KCTD16: variants seen among roughly 807,000 people sequenced by gnomAD.
The protein encoded by KCTD16 is BTB/POZ domain-containing protein KCTD16.
Under a neutral mutation model 33.2 loss-of-function variants are expected in KCTD16, and 13 were observed. The observed-to-expected ratio is 0.39, with a 90% CI of 0.25 to 0.62. The LOEUF (loss-of-function observed/expected upper bound fraction) is 0.62. Among genes scored for constraint, KCTD16 ranks in the 20% least tolerant of loss-of-function variants. KCTD16 has a pLI of 0.50. For missense variants in KCTD16, 441 were observed against 525.1 expected (o/e 0.84, Z 1.57); for synonymous variants, 197 against 195.3 (o/e 1.01, Z -0.07).
intron 3 of KCTD16, among the ~76,000 whole-genome samples, chr5:144,267,858 G>T (rs2126844200): frequency 6.6e-6 from 1 of 152,218 alleles, no homozygotes; most frequent in East Asian, 1.9e-4. Context: ...AAACTCATCT[G>T]AAGGCTTCCA....
chr5:144,198,952 G>A (rs1752990350), intron 2 of KCTD16, among the ~76,000 whole-genome samples: 1 of 152,122 alleles, frequency 6.6e-6, no homozygotes, highest in African/African-American at 2.4e-5. Flanking sequence ...TGTTCTGCCT[G>A]ATTCTAAAAC....
At position 144,275,690 on chromosome 5, in the gene KCTD16, G is replaced by T. The variant is rs899619238; in HGVS notation, c.832+68144G>T. Among the ~76,000 whole-genome samples, 9 of 152,264 alleles carry T rather than the reference G, an allele frequency of 5.9e-5. No homozygotes were observed. The East Asian group carries it at 1.7e-3, about 29-fold the overall frequency. On this transcript the variant is annotated intron_variant, in intron 3 of 3. Coordinates refer to ENST00000512467, the MANE Select transcript of KCTD16 (RefSeq NM_020768.4). The stretch of plus-strand genomic sequence containing the variant: ...TTAAAAATAAATACGTGCCATTCTG[G>T]TTTGGGAACACTGAACGGCGAGGGA...
At chr5:144,334,858 C>T (rs1221495095) in intron 3 of KCTD16, among the ~76,000 whole-genome samples, 1 of 152,046 alleles carries the variant, frequency 6.6e-6, no homozygotes, top group African/African-American at 2.4e-5. Flanking sequence ...CTCACTGCAC[C>T]TTCAAACTCA....
chr5:144,291,661 G>A (rs1755898698), intron 3 of KCTD16, among the ~76,000 whole-genome samples: 1 of 152,150 alleles, frequency 6.6e-6, no homozygotes, highest in African/African-American at 2.4e-5. Context: ...CTACTTGAAT[G>A]GCTTCCAATG....
intron 3 of KCTD16, among the ~76,000 whole-genome samples, chr5:144,356,941 C>T (rs1370539752): frequency 6.6e-6 from 1 of 152,006 alleles, no homozygotes; most frequent in Non-Finnish European, 1.5e-5. Flanking sequence ...TTAAATAACT[C>T]AGATCAAAGA....
At chr5:144,278,517 G>T (rs1755503851) in intron 3 of KCTD16, among the ~76,000 whole-genome samples, 1 of 133,440 alleles carries the variant, frequency 7.5e-6, no homozygotes, top group Non-Finnish European at 1.6e-5. Context: ...TTGAGACGGA[G>T]TCTCGCTCTG....
chr5:144,386,987 T>G lies in KCTD16; in HGVS notation c.833-86673T>G, dbSNP rs565698466. On this transcript the variant is annotated intron_variant, in intron 3 of 3. Coordinates refer to ENST00000512467, the MANE Select transcript of KCTD16 (RefSeq NM_020768.4). ...ACCAATTACAAAGCACTTTTTTTTT[T>G]TGAGACACAATCCTCCTCTGTTGGG... Among the ~76,000 whole-genome samples the G allele has an allele frequency of 1.8e-4, 28 of 152,144 alleles. No individual in the cohort carries two copies. The East Asian group carries it at 4.5e-3, about 24-fold the overall frequency.
chr5:144,336,605 T>C (rs1413890194), intron 3 of KCTD16, among the ~76,000 whole-genome samples: 1 of 152,168 alleles, frequency 6.6e-6, no homozygotes, highest in Non-Finnish European at 1.5e-5. Flanking sequence ...AAATCCTCTG[T>C]GTTTCCCACG....
rs561488082 is a variant in KCTD16, at chr5:144,298,129, G to A, written c.832+90583G>A. On this transcript the variant is annotated intron_variant, in intron 3 of 3. Coordinates refer to ENST00000512467, the MANE Select transcript of KCTD16 (RefSeq NM_020768.4). ...TAATCGAGCTGAACACTAGTCACTG[G>A]GTTCCACGGTTCTCTTCCGTGACCC... Among the ~76,000 whole-genome samples the A allele has an allele frequency of 4.3e-4, 65 of 152,264 alleles. 2 individuals are homozygous for A. The South Asian group carries it at 0.013, about 30-fold the overall frequency.
chr5:144,188,427 A>G (rs545203861), intron 2 of KCTD16, among the ~76,000 whole-genome samples: 1 of 152,336 alleles, frequency 6.6e-6, no homozygotes, highest in South Asian at 2.1e-4. Context: ...TTAGAATGAT[A>G]CATCTGGTGG....
intron 3 of KCTD16, among the ~76,000 whole-genome samples, chr5:144,387,791 A>C (rs1752358042): frequency 6.6e-6 from 1 of 152,168 alleles, no homozygotes; most frequent in Admixed American, 6.5e-5. Flanking sequence ...AGGTGGACAC[A>C]GCTCTACTGT....
At chr5:144,367,307 G>A (rs1751858902) in intron 3 of KCTD16, among the ~76,000 whole-genome samples, 1 of 152,164 alleles carries the variant, frequency 6.6e-6, no homozygotes, top group Non-Finnish European at 1.5e-5. Context: ...AAAGAATGAA[G>A]CAGGTTTGGA....
intron 3 of KCTD16, among the ~76,000 whole-genome samples, chr5:144,363,082 T>G (rs1197163387): frequency 1.3e-5 from 2 of 152,162 alleles, no homozygotes; most frequent in Non-Finnish European, 2.9e-5. Context: ...CCAGGCACGG[T>G]GGCTCATGCC....
Position 144,376,743 on chromosome 5 carries a change from T to A in KCTD16, c.833-96917T>A, listed in dbSNP as rs1210530910. Reference sequence around the variant, plus strand: ...AAAGGATCCAACAATATTCTTGGACTGTTTGGCTTTCTAATGGAAACTGAT... The same window carrying A: ...AAAGGATCCAACAATATTCTTGGACAGTTTGGCTTTCTAATGGAAACTGAT... On this transcript the variant is annotated intron_variant, in intron 3 of 3. Coordinates refer to ENST00000512467, the MANE Select transcript of KCTD16 (RefSeq NM_020768.4). 5.3e-5 allele frequency among the ~76,000 whole-genome samples: 8 copies of A among 152,354 alleles called. No individual in the cohort carries two copies. The East Asian group carries it at 1.5e-3, about 29-fold the overall frequency.
chr5:144,439,747 TG>T lies in KCTD16; in HGVS notation c.833-33911del, dbSNP rs547035824. 4.3e-4 allele frequency among the ~76,000 whole-genome samples: 65 copies of T among 152,202 alleles called. 1 individual carries two copies. In the East Asian group the frequency reaches 0.012, roughly 28 times the overall value. ...GTGTGCTCTGTATCCAGAACACACT[TG>T]GTAGCTGGAAGAAGCGTCTGAGATT... is the stretch of plus-strand genomic sequence containing the variant. On this transcript the variant is annotated intron_variant, in intron 3 of 3. Transcript: ENST00000512467.
intron 3 of KCTD16, among the ~76,000 whole-genome samples, chr5:144,254,770 G>T (rs933919177): frequency 7.3e-5 from 11 of 151,370 alleles, no homozygotes; most frequent in Non-Finnish European, 1.3e-4. Flanking sequence ...TGCAGTATTT[G>T]TCTTTCTTTT....
intron 1 of KCTD16, among the ~76,000 whole-genome samples, chr5:144,173,633 TG>T (rs967767939): frequency 5.3e-5 from 8 of 152,206 alleles, no homozygotes; most frequent in African/African-American, 1.9e-4. Context: ...TTAAAAAATT[TG>T]CCTGTTTAGG....
chr5:144,262,924 C>T (rs1212027696), intron 3 of KCTD16, among the ~76,000 whole-genome samples: 1 of 152,164 alleles, frequency 6.6e-6, no homozygotes, highest in Non-Finnish European at 1.5e-5. Flanking sequence ...AGACATAATT[C>T]AGAGCCAGGT....
At chr5:144,386,535 G>C (rs1467932846) in intron 3 of KCTD16, among the ~76,000 whole-genome samples, 1 of 152,094 alleles carries the variant, frequency 6.6e-6, no homozygotes. Flanking sequence ...TTTAGACTCT[G>C]TATATGCTCA....
Sources: allele counts gnomAD v4.1 joint callset (sites outside exome capture counted in the v4.1 genomes callset), GRCh38; gene constraint gnomAD v4.1.1; transcripts MANE v1.5; gene names NCBI Gene and HGNC (gene_info 2026-07-23, HGNC 2026-07-21).